Variants in DLG2 observed in about 807,000 individuals in gnomAD.
The protein encoded by DLG2 is disks large homolog 2.
Under a neutral mutation model 132.5 loss-of-function variants are expected in DLG2, and 45 were observed. The ratio of observed to expected loss-of-function variants is 0.34; its 90% CI spans 0.27 to 0.44. The LOEUF (loss-of-function observed/expected upper bound fraction) is 0.44. Ranked by LOEUF, DLG2 falls within the 20% of genes least tolerant of loss-of-function variation. DLG2 has a pLI of 1.00. For missense variants in DLG2, 1,045 were observed against 1,196.9 expected (o/e 0.87, Z 1.87); for synonymous variants, 424 against 419.6 (o/e 1.01, Z -0.13).
intron 6 of DLG2, among the ~76,000 whole-genome samples, chr11:84,733,641 A>C (rs1366257064): frequency 1.3e-5 from 2 of 152,134 alleles, no homozygotes; most frequent in East Asian, 3.9e-4. Flanking sequence ...CTTTAGTTTA[A>C]TTAAATCCCA....
chr11:85,268,179 T>A (rs1025382132), intron 4 of DLG2, among the ~76,000 whole-genome samples: 1 of 152,168 alleles, frequency 6.6e-6, no homozygotes, highest in Non-Finnish European at 1.5e-5. Context: ...GGAAAATATC[T>A]TGGGCCCCTT....
intron 19 of DLG2, among the ~76,000 whole-genome samples, chr11:83,564,085 A>G (rs1419960910): frequency 4.1e-5 from 6 of 147,550 alleles, no homozygotes; most frequent in Non-Finnish European, 7.4e-5. Flanking sequence ...CAGTAATATA[A>G]ACCTAATTTT....
chr11:84,238,040 CCT>C, intron 8 of DLG2, among the ~76,000 whole-genome samples: 2 of 58,926 alleles, frequency 3.4e-5, no homozygotes. Flanking sequence ...CAAGACTCTG[CCT>C]AAAAAAAAAA....
intron 3 of DLG2, among the ~76,000 whole-genome samples, chr11:85,499,573 G>A (rs544829728): frequency 6.6e-6 from 1 of 152,218 alleles, no homozygotes; most frequent in South Asian, 2.1e-4. Flanking sequence ...GAAAAAGAGG[G>A]AATCCTCCCT....
chr11:84,079,234 T>G (rs992218490), intron 10 of DLG2, among the ~76,000 whole-genome samples: 4 of 152,082 alleles, frequency 2.6e-5, no homozygotes, highest in African/African-American at 9.7e-5. Context: ...CAAGTTACAA[T>G]CTTTCATTAG....
intron 6 of DLG2, among the ~76,000 whole-genome samples, chr11:84,762,385 G>A (rs1373628129): frequency 1.3e-5 from 2 of 152,026 alleles, no homozygotes; most frequent in African/African-American, 4.8e-5. Flanking sequence ...TACAATGCTC[G>A]GAATCTGTGT....
At chr11:84,373,265 C>CAAAAAAAAAAAAAAAAAAAAAA (rs59038372) in intron 7 of DLG2, among the ~76,000 whole-genome samples, 2 of 98,050 alleles carry the variant, frequency 2.0e-5, no homozygotes, top group Non-Finnish European at 1.8e-5. Context: ...AAAAAAAAAA[C>CAAAAAAAAAAAAAAAAAAAAAA]AAAACAAAAA....
rs147635108 is a variant in DLG2, at chr11:84,696,176, T to C, written c.358-161445A>G. The stretch of plus-strand genomic sequence containing the variant: ...AGTCACGGAAATACGCAAGAAAACA[T>C]AGGGCAATTTGTGCTCTGTCAGAAC... On this transcript the variant is annotated intron_variant, in intron 6 of 27. Coordinates refer to ENST00000376104, the MANE Select transcript of DLG2 (RefSeq NM_001142699.3). 1.1e-4 allele frequency among the ~76,000 whole-genome samples: 16 copies of C among 151,676 alleles called. No homozygotes were observed. In the East Asian group the frequency reaches 2.9e-3, roughly 28 times the overall value.
At chr11:84,567,475 A>T (rs373618041) in intron 6 of DLG2, among the ~76,000 whole-genome samples, 4 of 152,328 alleles carry the variant, frequency 2.6e-5, no homozygotes, top group Admixed American at 6.5e-5. Context: ...ATCCTCAATC[A>T]TCGTTTCAGG....
rs375884240 is a variant in DLG2 at position 83,483,319 on chromosome 11, A to G, written c.2293+810T>C. 21 of 1,604,024 alleles carry G rather than the reference A, an allele frequency of 1.3e-5. No individual in the cohort carries two copies. In the African/African-American group the frequency reaches 2.8e-4, roughly 21 times the overall value. On this transcript the variant is annotated intron_variant, in intron 22 of 27. Coordinates refer to ENST00000376104, the MANE Select transcript of DLG2 (RefSeq NM_001142699.3). The stretch of plus-strand genomic sequence containing the variant: ...ATGTCCTGCATGGAAGTCCCCAGAG[A>G]GAGCAATGAGAGAGGAAGAACAGCC...
At chr11:84,456,290 C>T (rs2099065119) in intron 7 of DLG2, among the ~76,000 whole-genome samples, 2 of 151,316 alleles carry the variant, frequency 1.3e-5, no homozygotes, top group Admixed American at 6.6e-5. Context: ...TTGGCCCAGA[C>T]ATATGGTGGA....
intron 11 of DLG2, among the ~76,000 whole-genome samples, chr11:83,991,508 G>A (rs995456802): frequency 2.8e-4 from 43 of 152,004 alleles, no homozygotes; most frequent in African/African-American, 8.7e-4. Flanking sequence ...TCCCCTGCAC[G>A]TTAGGGCTTT....
chr11:84,449,196 T>C (rs1337040687), intron 7 of DLG2, among the ~76,000 whole-genome samples: 1 of 151,944 alleles, frequency 6.6e-6, no homozygotes, highest in Non-Finnish European at 1.5e-5. Context: ...CAGTAACAAG[T>C]GATCTTTTGC....
chr11:84,623,745 C>A (rs1212524685), intron 6 of DLG2, among the ~76,000 whole-genome samples: 1 of 152,060 alleles, frequency 6.6e-6, no homozygotes, highest in East Asian at 1.9e-4. Flanking sequence ...TTAATGTACC[C>A]AATTCAAATG....
intron 6 of DLG2, among the ~76,000 whole-genome samples, chr11:84,999,941 G>T (rs1252674640): frequency 6.6e-6 from 1 of 151,988 alleles, no homozygotes; most frequent in Non-Finnish European, 1.5e-5. Context: ...GAAAATTCAA[G>T]AATTTATTCA....
At chr11:85,271,879 C>T (rs937465592) in intron 4 of DLG2, among the ~76,000 whole-genome samples, 1 of 152,130 alleles carries the variant, frequency 6.6e-6, no homozygotes, top group African/African-American at 2.4e-5. Flanking sequence ...TGCCTTGTCT[C>T]AGATGAAACT....
rs181429058 is a variant in DLG2 at position 84,032,379 on chromosome 11, A to C, written c.919+26936T>G. Among the ~76,000 whole-genome samples, 86 of 152,328 alleles carry C rather than the reference A, an allele frequency of 5.6e-4. 2 individuals carry two copies. The East Asian group carries it at 0.014, about 25-fold the overall frequency. ...GATGTGGAGAAAGTTTTAGTGGTCG[A>C]GATAAATATCAAACTAGCCACACCA... On this transcript the variant is annotated intron_variant, in intron 11 of 27. Transcript: ENST00000376104.
chr11:83,886,721 A>G (rs1304310332), intron 15 of DLG2, among the ~76,000 whole-genome samples: 1 of 152,146 alleles, frequency 6.6e-6, no homozygotes, highest in Non-Finnish European at 1.5e-5. Flanking sequence ...CAGCAAATGT[A>G]AAAGATCAGA....
intron 3 of DLG2, among the ~76,000 whole-genome samples, chr11:85,510,673 T>TA (rs1387906796): frequency 6.6e-6 from 1 of 152,184 alleles, no homozygotes; most frequent in Admixed American, 6.5e-5. Context: ...CACAATGAGA[T>TA]ACCACCTCAC....
Sources: allele counts gnomAD v4.1 joint callset (sites outside exome capture counted in the v4.1 genomes callset), GRCh38; gene constraint gnomAD v4.1.1; transcripts MANE v1.5; gene names NCBI Gene and HGNC (gene_info 2026-07-23, HGNC 2026-07-21).